Variants in CDH13 observed in about 807,000 individuals in gnomAD.
CDH13 encodes the protein cadherin-13.
A neutral mutation model predicts 63.8 loss-of-function variants in CDH13; 24 were observed. The observed-to-expected ratio is 0.38, with a 90% confidence interval of 0.27 to 0.53. The LOEUF (loss-of-function observed/expected upper bound fraction) is 0.53, where lower values mean the gene tolerates loss of function less well. CDH13 is among the 20% of genes least tolerant of loss of function. The pLI, the probability that CDH13 is intolerant of heterozygous loss-of-function variation, is 0.85. For missense variants in CDH13, 1,049 were observed against 903.1 expected (o/e 1.16, Z -2.07); for synonymous variants, 503 against 355.3 (o/e 1.42, Z -4.67).
rs531101898 is a variant in CDH13 at position 83,369,379 on chromosome 16, T to G, written c.781+24373T>G. 1.4e-3 allele frequency among the ~76,000 whole-genome samples: 220 copies of G among 152,192 alleles called. 1 individual carries two copies. The highest frequency in any genetic ancestry group is 5.1e-3 in the African/African-American group (211 of 41,530). ...AAATATAAGCATGTAGGTCCAAACC[T>G]GTCTCTCCTCCTTTCAGAGTGACCA... On this transcript the variant is annotated intron_variant, in intron 6 of 13. Coordinates refer to ENST00000567109, the MANE Select transcript of CDH13 (RefSeq NM_001257.5).
intron 8 of CDH13, among the ~76,000 whole-genome samples, chr16:83,634,487 G>A (rs1169760843): frequency 3.3e-5 from 5 of 149,800 alleles, no homozygotes; most frequent in Non-Finnish European, 5.9e-5. Context: ...TGCGACCTCC[G>A]CCTCCCAGGT....
At chr16:83,349,674 C>T (rs1488884062) in intron 6 of CDH13, among the ~76,000 whole-genome samples, 5 of 151,904 alleles carry the variant, frequency 3.3e-5, no homozygotes, top group African/African-American at 1.2e-4. Context: ...GATCTCAGCT[C>T]ACTGCAACCT....
At chr16:82,722,655 T>C (rs1303104338) in intron 1 of CDH13, among the ~76,000 whole-genome samples, 1 of 152,158 alleles carries the variant, frequency 6.6e-6, no homozygotes, top group Non-Finnish European at 1.5e-5. Flanking sequence ...GTGGAGAACA[T>C]GAGAGATGGC....
intron 8 of CDH13, among the ~76,000 whole-genome samples, chr16:83,660,848 T>G (rs906448738): frequency 6.6e-6 from 1 of 152,212 alleles, no homozygotes; most frequent in African/African-American, 2.4e-5. Context: ...TGCATTTTCT[T>G]TCATTTTTTA....
Position 82,803,857 on chromosome 16 carries a change from T to C in CDH13, c.46-54505T>C, listed in dbSNP as rs147783699. On this transcript the variant is annotated intron_variant, in intron 1 of 13. Coordinates refer to ENST00000567109, the MANE Select transcript of CDH13 (RefSeq NM_001257.5). ...TGCTCAGTGGGTATAAAGCATCAAT[T>C]ATATGGGAAGAAAAAGTTCTAGAGA... 3.9e-5 allele frequency among the ~76,000 whole-genome samples: 6 copies of C among 152,172 alleles called. No individual in the cohort carries two copies. The East Asian group carries it at 1.2e-3, about 29-fold the overall frequency.
At chr16:83,342,735 C>G (rs1428028792) in intron 5 of CDH13, among the ~76,000 whole-genome samples, 3 of 151,836 alleles carry the variant, frequency 2.0e-5, no homozygotes, top group African/African-American at 4.8e-5. Flanking sequence ...TTCTGATTAC[C>G]TATCCTACTT....
intron 3 of CDH13, among the ~76,000 whole-genome samples, chr16:83,058,178 G>T (rs1199271776): frequency 1.3e-5 from 2 of 152,066 alleles, no homozygotes; most frequent in African/African-American, 2.4e-5. Flanking sequence ...ATCGGGCTTG[G>T]GGTGTGACCT....
intron 4 of CDH13, among the ~76,000 whole-genome samples, chr16:83,136,799 G>T (rs188061636): frequency 3.7e-4 from 57 of 152,330 alleles, no homozygotes; most frequent in African/African-American, 1.3e-3. Flanking sequence ...CAGGTTCCCA[G>T]ATTCGTAGGA....
intron 1 of CDH13, among the ~76,000 whole-genome samples, chr16:82,810,585 G>C (rs2077450643): frequency 6.6e-6 from 1 of 152,112 alleles, no homozygotes; most frequent in African/African-American, 2.4e-5. Flanking sequence ...TGGGCAATTG[G>C]CTTACTCCAG....
At chr16:82,922,207 A>G (rs1287949976) in intron 2 of CDH13, among the ~76,000 whole-genome samples, 4 of 152,132 alleles carry the variant, frequency 2.6e-5, no homozygotes, top group Non-Finnish European at 5.9e-5. Flanking sequence ...ATTTTCAAAG[A>G]GCAAATTTTT....
intron 1 of CDH13, among the ~76,000 whole-genome samples, chr16:82,781,366 T>C (rs2035745697): frequency 6.6e-6 from 1 of 152,156 alleles, no homozygotes; most frequent in African/African-American, 2.4e-5. Flanking sequence ...TGTGAACTTA[T>C]ACAAGGGCTT....
intron 2 of CDH13, among the ~76,000 whole-genome samples, chr16:82,944,307 G>A (rs182224034): frequency 2.0e-5 from 3 of 152,152 alleles, no homozygotes; most frequent in Non-Finnish European, 4.4e-5. Context: ...GGTTAACCTG[G>A]TGGAAAATGG....
intron 6 of CDH13, among the ~76,000 whole-genome samples, chr16:83,393,014 T>C (rs1304888506): frequency 6.6e-6 from 1 of 152,000 alleles, no homozygotes; most frequent in Non-Finnish European, 1.5e-5. Context: ...GGCCTGGGAA[T>C]TCAGACCTGC....
intron 3 of CDH13, among the ~76,000 whole-genome samples, chr16:83,102,838 A>G (rs185443169): frequency 2.4e-4 from 36 of 152,050 alleles, no homozygotes; most frequent in Middle Eastern, 6.8e-3. Context: ...ATTAACCAGA[A>G]AAGGGTAAAT....
At chr16:83,747,163 T>G (rs938222617) in intron 10 of CDH13, among the ~76,000 whole-genome samples, 1 of 152,232 alleles carries the variant, frequency 6.6e-6, no homozygotes, top group Non-Finnish European at 1.5e-5. Flanking sequence ...ACAAATTTCT[T>G]GCCCTCGCGT....
intron 2 of CDH13, among the ~76,000 whole-genome samples, chr16:82,880,047 A>C (rs983048733): frequency 6.7e-6 from 1 of 149,218 alleles, no homozygotes; most frequent in African/African-American, 2.4e-5. Flanking sequence ...ATGGATTAAT[A>C]GATTATATAT....
intron 5 of CDH13, among the ~76,000 whole-genome samples, chr16:83,249,257 G>A (rs1259170038): frequency 6.6e-6 from 1 of 152,178 alleles, no homozygotes; most frequent in African/African-American, 2.4e-5. Context: ...GCACGCTTGA[G>A]CCAGCTCATA....
chr16:82,872,644 G>T lies in CDH13; in HGVS notation c.157+14171G>T, dbSNP rs192571941. Among the ~76,000 whole-genome samples, 589 of 152,284 alleles carry T rather than the reference G, an allele frequency of 3.9e-3. 4 individuals are homozygous for T. Among genetic ancestry groups the T allele is most frequent in the African/African-American group, 0.014 (562 of 41,566 alleles). ...CTCTATTTGTTCTTTTCACCTTAAT[G>T]TTGATGGAAATTTTTTTGGCTTGAG... On this transcript the variant is annotated intron_variant, in intron 2 of 13. Transcript: ENST00000567109.
chr16:83,159,982 A>G (rs1597440607), intron 4 of CDH13, among the ~76,000 whole-genome samples: 1 of 152,234 alleles, frequency 6.6e-6, no homozygotes, highest in East Asian at 1.9e-4. Flanking sequence ...AGGCTGAGGC[A>G]CGAGAATTGC....
Sources: gnomAD v4.1 joint callset for allele counts (sites outside exome capture counted in the v4.1 genomes callset) on GRCh38, gnomAD v4.1.1 for gene constraint, MANE v1.5 for transcripts, NCBI Gene and HGNC (gene_info 2026-07-23, HGNC 2026-07-21) for gene names.